ADCY3: variants seen among roughly 807,000 people sequenced by gnomAD.
ADCY3 encodes the protein adenylate cyclase type 3.
In ADCY3, 70 loss-of-function variants were observed where a neutral mutation model predicts 119.4. That is an observed-to-expected ratio of 0.59 (90% confidence interval 0.48 to 0.72). The LOEUF (loss-of-function observed/expected upper bound fraction) is 0.72. Among genes scored for constraint, ADCY3 ranks in the 30% least tolerant of loss-of-function variants. The pLI is 0.00. For synonymous variants in ADCY3, 672 were observed against 621.4 expected (o/e 1.08, Z -1.21); for missense variants, 1,238 against 1,541.6 (o/e 0.80, Z 3.30).
chr2:24,841,417 G>T lies in ADCY3; in HGVS notation c.1069-31C>A. 6.2e-7 allele frequency: 1 copy of T among 1,608,212 alleles called. No homozygotes were observed. The highest frequency in any genetic ancestry group is 8.5e-7 in the Non-Finnish European group (1 of 1,177,076). On this transcript the variant is annotated intron_variant, in intron 5 of 21. Coordinates refer to ENST00000679454, the MANE Select transcript of ADCY3 (RefSeq NM_004036.5). This position sits in a 1 kb window ranked among gnomAD's most constrained non-coding sequence, Gnocchi z 5.8. Reference sequence around the variant, plus strand: ...AGGGGAGGGCCTGGCCTGTGCTCCAGCCCCTCCTCAGTGAGGGAGGAGTGG... The same window carrying T: ...AGGGGAGGGCCTGGCCTGTGCTCCATCCCCTCCTCAGTGAGGGAGGAGTGG...
rs769297688 is a variant in ADCY3, at chr2:24,860,097, C to T, written c.825+12473G>A. Among the ~76,000 whole-genome samples the T allele has an allele frequency of 1.2e-4, 19 of 152,210 alleles. 1 individual carries two copies. Among genetic ancestry groups the T allele is most frequent in the Non-Finnish European group, 2.4e-4 (16 of 68,034 alleles). ...CATCCCTCCATCTTCCCACATCCTCCGTCAACCATGTTCCGATCCCTGGGA... is the reference window on the plus strand; with the variant it reads ...CATCCCTCCATCTTCCCACATCCTCTGTCAACCATGTTCCGATCCCTGGGA... On this transcript the variant is annotated intron_variant, in intron 3 of 21. Coordinates refer to ENST00000679454, the MANE Select transcript of ADCY3 (RefSeq NM_004036.5).
At chr2:24,903,376 C>G (rs1679134778) in intron 2 of ADCY3, among the ~76,000 whole-genome samples, 1 of 152,094 alleles carries the variant, frequency 6.6e-6, no homozygotes, top group Non-Finnish European at 1.5e-5. Flanking sequence ...ACCACTTCCA[C>G]AACCGTCTGT....
chr2:24,878,097 G>T lies in ADCY3; in HGVS notation c.676-5378C>A. The T allele has an allele frequency of 4.0e-6, 1 of 249,348 alleles. No homozygotes were observed. The highest frequency in any genetic ancestry group is 8.7e-6 in the Non-Finnish European group (1 of 115,212). 15.4% of individuals were successfully genotyped at this position (249,348 alleles called of 1,614,324 possible). On this transcript the variant is annotated intron_variant, in intron 2 of 21. Coordinates refer to ENST00000679454, the MANE Select transcript of ADCY3 (RefSeq NM_004036.5). The surrounding 1 kb of genome is among the most constrained non-coding windows in gnomAD (Gnocchi z 4.0). Reference sequence around the variant, plus strand: ...AGTTTCTTAATCCTAAAGTTTTCCTGGAAATAACTTATTTCAAAAGAATTG... The same window carrying T: ...AGTTTCTTAATCCTAAAGTTTTCCTTGAAATAACTTATTTCAAAAGAATTG...
intron 7 of ADCY3, chr2:24,838,890 A>T: frequency 1.3e-6 from 2 of 1,588,580 alleles, no homozygotes; most frequent in Middle Eastern, 1.7e-4. Flanking sequence ...CAGGAGTACA[A>T]TCTTTCTTCA....
rs867514882 is a variant in ADCY3 at position 24,878,923 on chromosome 2, C to G, written c.676-6204G>C. On this transcript the variant is annotated intron_variant, in intron 2 of 21. Coordinates refer to ENST00000679454, the MANE Select transcript of ADCY3 (RefSeq NM_004036.5). The surrounding 1 kb of genome is among the most constrained non-coding windows in gnomAD (Gnocchi z 4.0). ...TTGCCCTTCTCTGTCCTCACTCCTT[C>G]GCCTCGTCGCCTGGAAAGCAAACTC... Among the ~76,000 whole-genome samples the G allele has an allele frequency of 6.6e-6, 1 of 152,218 alleles. No individual in the cohort carries two copies. The highest frequency in any genetic ancestry group is 2.4e-5 in the African/African-American group (1 of 41,450).
intron 3 of ADCY3, among the ~76,000 whole-genome samples, chr2:24,863,573 A>G (rs1393952944): frequency 2.6e-5 from 4 of 152,196 alleles, no homozygotes; most frequent in African/African-American, 9.7e-5. Flanking sequence ...TATTTTAGAG[A>G]TGGAGGTCTC....
chr2:24,828,520 A>C (rs1053578981), intron 13 of ADCY3, among the ~76,000 whole-genome samples: 10 of 152,038 alleles, frequency 6.6e-5, no homozygotes, highest in Admixed American at 3.9e-4. Flanking sequence ...CCCATATCAC[A>C]CTGTTGCTTC....
intron 3 of ADCY3, among the ~76,000 whole-genome samples, chr2:24,862,884 T>G (rs13386646): frequency 0.011 from 1,666 of 152,276 alleles, 20 homozygotes; most frequent in African/African-American, 0.037. Flanking sequence ...AATCATATGA[T>G]GGTAGAGAGT....
At chr2:24,827,473 TG>T in intron 15 of ADCY3, 72 bp downstream of exon 15, 2 of 1,510,358 alleles carry the variant, frequency 1.3e-6, no homozygotes, top group Admixed American at 3.9e-5. Context: ...TCCCGGGGCT[TG>T]GGCCTGTTAT....
At position 24,898,899 on chromosome 2, in the gene ADCY3, C is replaced by T. The variant is rs553756564; in HGVS notation, c.675+19414G>A. Reference sequence around the variant, plus strand: ...CCCTTTCACCGCCAGAGAACTCCAGCGCGGACGCCAAGCACGACCACGGCA... The same window carrying T: ...CCCTTTCACCGCCAGAGAACTCCAGTGCGGACGCCAAGCACGACCACGGCA... On this transcript the variant is annotated intron_variant, in intron 2 of 21. Coordinates refer to ENST00000679454, the MANE Select transcript of ADCY3 (RefSeq NM_004036.5). This position sits in a 1 kb window ranked among gnomAD's most constrained non-coding sequence, Gnocchi z 4.3. Among the ~76,000 whole-genome samples the T allele has an allele frequency of 1.1e-4, 17 of 152,304 alleles. No individual in the cohort carries two copies. Among genetic ancestry groups the T allele is most frequent in the African/African-American group, 3.9e-4 (16 of 41,556 alleles).
Position 24,831,645 on chromosome 2 carries a change from A to G in ADCY3, c.2055+17T>C. 1 of 1,608,218 alleles carries G rather than the reference A, an allele frequency of 6.2e-7. No homozygotes were observed. Among genetic ancestry groups the G allele is most frequent in the Non-Finnish European group, 8.5e-7 (1 of 1,175,104 alleles). Reference sequence around the variant, plus strand: ...ACTTCCAGAGGCTTCTGAGCTCAGTAGAAAAGTGCCTCTTACCCGGGGAAA... The same window carrying G: ...ACTTCCAGAGGCTTCTGAGCTCAGTGGAAAAGTGCCTCTTACCCGGGGAAA... On this transcript the variant is annotated intron_variant, in intron 12 of 21. Coordinates refer to ENST00000679454, the MANE Select transcript of ADCY3 (RefSeq NM_004036.5).
chr2:24,850,456 G>A (rs2148649954), intron 3 of ADCY3, among the ~76,000 whole-genome samples: 1 of 152,312 alleles, frequency 6.6e-6, no homozygotes, highest in Non-Finnish European at 1.5e-5. Flanking sequence ...CACAGTGGGG[G>A]ACAGGAGTGC....
intron 19 of ADCY3, 60 bp from the exon 20 acceptor site, chr2:24,821,700 C>T: frequency 1.3e-6 from 2 of 1,587,480 alleles, no homozygotes; most frequent in South Asian, 2.3e-5. Context: ...GCCTGCTCTG[C>T]TGCCTTCCCT....
At chr2:24,882,786 G>A (rs995627474) in intron 2 of ADCY3, among the ~76,000 whole-genome samples, 8 of 152,244 alleles carry the variant, frequency 5.3e-5, no homozygotes, top group Non-Finnish European at 1.2e-4. Context: ...GCCGGGCACC[G>A]TGGCTCATGC....
chr2:24,883,020 A>G (rs181985905), intron 2 of ADCY3, among the ~76,000 whole-genome samples: 2 of 151,990 alleles, frequency 1.3e-5, no homozygotes, highest in African/African-American at 2.4e-5. Flanking sequence ...AGATCACACC[A>G]CTGCACTCCA....
chr2:24,881,555 T>C (rs2148877746), intron 2 of ADCY3, among the ~76,000 whole-genome samples: 1 of 152,280 alleles, frequency 6.6e-6, no homozygotes, highest in Non-Finnish European at 1.5e-5. Context: ...GATGCGTCTG[T>C]GTGTATCTCC....
At chr2:24,857,268 T>G (rs1422158646) in intron 3 of ADCY3, among the ~76,000 whole-genome samples, 2 of 152,238 alleles carry the variant, frequency 1.3e-5, no homozygotes, top group Non-Finnish European at 2.9e-5. Context: ...GACAGCCCAC[T>G]GGGCCCAAAG....
chr2:24,827,676 C>T (rs1484314141), intron 14 of ADCY3, 68 bp from the exon 15 acceptor site: 10 of 1,515,840 alleles, frequency 6.6e-6, no homozygotes, highest in East Asian at 2.4e-5. Flanking sequence ...AGCCAGGCAC[C>T]GGGGTATCCC....
At chr2:24,871,751 C>T (rs1675040657) in intron 3 of ADCY3, among the ~76,000 whole-genome samples, 1 of 152,216 alleles carries the variant, frequency 6.6e-6, no homozygotes, top group Non-Finnish European at 1.5e-5. Flanking sequence ...GGAAATAACC[C>T]TATGGATAAC....
Sources: gnomAD v4.1 joint callset for allele counts (sites outside exome capture counted in the v4.1 genomes callset) on GRCh38, gnomAD v4.1.1 for gene constraint, Gnocchi (gnomAD v3.1) non-coding constraint, MANE v1.5 for transcripts, NCBI Gene and HGNC (gene_info 2026-07-23, HGNC 2026-07-21) for gene names.